NRG2: variants seen among roughly 807,000 people sequenced by gnomAD.
NRG2 encodes the protein pro-neuregulin-2, membrane-bound isoform.
NRG2 carries 27 observed loss-of-function variants against 73.9 expected under a neutral mutation model. The observed-to-expected ratio is 0.37, with a 90% CI of 0.27 to 0.50. The LOEUF (loss-of-function observed/expected upper bound fraction) is 0.50. Among genes scored for constraint, NRG2 ranks in the 20% least tolerant of loss-of-function variants. The pLI, the probability that NRG2 is intolerant of heterozygous loss-of-function variation, is 0.96. For synonymous variants in NRG2, 532 were observed against 541.0 expected, an observed-to-expected ratio of 0.98 and a Z score of 0.23; for missense variants, 1,126 against 1,210.1, an observed-to-expected ratio of 0.93 and a Z score of 1.03.
intron 1 of NRG2, among the ~76,000 whole-genome samples, chr5:140,017,845 G>A (rs528421884): frequency 2.0e-4 from 31 of 152,268 alleles, no homozygotes; most frequent in South Asian, 1.0e-3. Context: ...CAGTAGAGAC[G>A]AAGAGACAGA....
At chr5:139,951,509 T>G (rs1193818878) in intron 1 of NRG2, among the ~76,000 whole-genome samples, 4 of 152,172 alleles carry the variant, frequency 2.6e-5, no homozygotes, top group Non-Finnish European at 4.4e-5. Flanking sequence ...CCTTGGAATA[T>G]TCCATCTGCT....
intron 1 of NRG2, among the ~76,000 whole-genome samples, chr5:139,924,746 T>C (rs1751927592): frequency 6.6e-6 from 1 of 152,200 alleles, no homozygotes; most frequent in African/African-American, 2.4e-5. Context: ...TCTGTAAGGC[T>C]TTCCTGGGCT....
intron 1 of NRG2, among the ~76,000 whole-genome samples, chr5:139,975,369 C>T (rs1480788529): frequency 1.3e-5 from 2 of 152,214 alleles, no homozygotes; most frequent in Admixed American, 6.5e-5. Context: ...CTACAGGAAC[C>T]GGCCCCGCAG....
chr5:140,002,511 A>G (rs570729066), intron 1 of NRG2, among the ~76,000 whole-genome samples: 3 of 152,336 alleles, frequency 2.0e-5, no homozygotes. Flanking sequence ...AGTGAACAAT[A>G]AATACCAAAA....
At chr5:139,973,421 G>A (rs567645653) in intron 1 of NRG2, among the ~76,000 whole-genome samples, 32 of 152,132 alleles carry the variant, frequency 2.1e-4, no homozygotes, top group South Asian at 1.7e-3. Context: ...ACAGTGGCAC[G>A]ATCACAGCTC....
intron 1 of NRG2, among the ~76,000 whole-genome samples, chr5:139,985,760 T>C (rs1179461599): frequency 1.3e-5 from 2 of 152,182 alleles, no homozygotes; most frequent in Non-Finnish European, 2.9e-5. Flanking sequence ...TCGAGCTCTA[T>C]CCAGAGTTGC....
intron 1 of NRG2, among the ~76,000 whole-genome samples, chr5:139,929,352 C>T (rs566487517): frequency 3.3e-5 from 5 of 152,204 alleles, no homozygotes; most frequent in African/African-American, 9.6e-5. Flanking sequence ...TGACATTAAG[C>T]GTGTTATACC....
chr5:139,958,715 A>C (rs1754827851), intron 1 of NRG2, among the ~76,000 whole-genome samples: 1 of 152,218 alleles, frequency 6.6e-6, no homozygotes, highest in African/African-American at 2.4e-5. Flanking sequence ...CATGTAATAG[A>C]AATGGCCGGC....
intron 5 of NRG2, among the ~76,000 whole-genome samples, chr5:139,863,512 G>A (rs941573203): frequency 1.3e-5 from 2 of 152,236 alleles, no homozygotes; most frequent in African/African-American, 2.4e-5. Context: ...TGGCAGAGAG[G>A]CCTTGGATAG....
At chr5:139,905,066 G>A (rs565127926) in intron 1 of NRG2, among the ~76,000 whole-genome samples, 73 of 152,282 alleles carry the variant, frequency 4.8e-4, no homozygotes, top group African/African-American at 1.8e-3. Flanking sequence ...CAGCCAGGGC[G>A]GGCTGCACTC....
intron 1 of NRG2, among the ~76,000 whole-genome samples, chr5:139,933,331 C>T (rs1752619736): frequency 6.7e-6 from 1 of 150,112 alleles, no homozygotes; most frequent in African/African-American, 2.4e-5. Flanking sequence ...ACTTTAAATA[C>T]TAAGATACAA....
chr5:139,946,591 T>C (rs2126447974), intron 1 of NRG2, among the ~76,000 whole-genome samples: 1 of 151,890 alleles, frequency 6.6e-6, no homozygotes, highest in East Asian at 1.9e-4. Context: ...ACTTAAAGTA[T>C]GAACAAGAAA....
chr5:139,941,236 CA>C (rs1444522094), intron 1 of NRG2, among the ~76,000 whole-genome samples: 1 of 151,936 alleles, frequency 6.6e-6, no homozygotes, highest in Non-Finnish European at 1.5e-5. Flanking sequence ...GGCCAAAAGG[CA>C]AAAAATCAAA....
At chr5:140,007,919 C>T (rs1218367998) in intron 1 of NRG2, among the ~76,000 whole-genome samples, 2 of 152,166 alleles carry the variant, frequency 1.3e-5, no homozygotes, top group South Asian at 2.1e-4. Context: ...AGGATCAGGC[C>T]CAACTCACAC....
At chr5:140,005,465 T>C (rs1758822775) in intron 1 of NRG2, among the ~76,000 whole-genome samples, 1 of 152,242 alleles carries the variant, frequency 6.6e-6, no homozygotes, top group African/African-American at 2.4e-5. Context: ...TGCTTCTGTC[T>C]GACAGTGTCT....
intron 1 of NRG2, among the ~76,000 whole-genome samples, chr5:139,981,946 G>T (rs1756830880): frequency 1.3e-5 from 2 of 152,190 alleles, no homozygotes; most frequent in Non-Finnish European, 2.9e-5. Flanking sequence ...GTCTCTAGGG[G>T]TGGCGCTGGA....
Position 140,025,294 on chromosome 5 carries a change from GCT to G in NRG2, c.700+17074_700+17075del, listed in dbSNP as rs1464705351. Among the ~76,000 whole-genome samples the G allele has an allele frequency of 1.2e-3, 179 of 152,228 alleles. 2 individuals are homozygous for G. Among genetic ancestry groups the G allele is most frequent in the Non-Finnish European group, 1.5e-4 (10 of 68,012 alleles). The stretch of plus-strand genomic sequence containing the variant: ...TGCCATCTCTGTAACACAGCAGAAG[GCT>G]CTAAGTATCAAGAGGGCCCTGGATA... On this transcript the variant is annotated intron_variant, in intron 1 of 9. Transcript: ENST00000361474.
intron 1 of NRG2, among the ~76,000 whole-genome samples, chr5:139,951,800 C>A (rs764953729): frequency 1.3e-4 from 20 of 152,334 alleles, no homozygotes; most frequent in Non-Finnish European, 2.5e-4. Flanking sequence ...TCCTATGGCA[C>A]GCCCTCCCCC....
rs1197921422 is a variant in NRG2 at position 140,042,679 on chromosome 5, C to A, written c.391G>T (p.Val131Leu). The A allele has an allele frequency of 6.3e-7, 1 of 1,590,188 alleles. No homozygotes were observed. Among genetic ancestry groups the A allele is most frequent in the African/African-American group, 1.3e-5 (1 of 74,364 alleles). ...QDQAYKAPVV[V>L]EGKVQGLVPA... is the part of the protein sequence containing the mutation. ...ACCAGCCCCTGTACCTTGCCCTCCACCACCACGGGTGCCTTGTACGCCTGG... is the reference window on the plus strand; with the variant it reads ...ACCAGCCCCTGTACCTTGCCCTCCAACACCACGGGTGCCTTGTACGCCTGG... The change falls in exon 1 of 10, where the codon GTG becomes TTG. Residue 131 changes from valine (V) to leucine (L), a missense_variant. This residue lies in a region of NRG2 where 539 missense variants were observed against 703.2 expected (regional missense o/e 0.77). Coordinates refer to ENST00000361474, the MANE Select transcript of NRG2 (RefSeq NM_004883.3).
Sources: gnomAD v4.1 joint callset for allele counts (sites outside exome capture counted in the v4.1 genomes callset) on GRCh38, gnomAD v4.1.1 for gene constraint, gnomAD v4.1.1 regional missense constraint, MANE v1.5 for transcripts, NCBI Gene and HGNC (gene_info 2026-07-23, HGNC 2026-07-21) for gene names.